Variants in SUMF2 observed in about 807,000 individuals in gnomAD.
SUMF2 encodes sulfatase modifying factor 2, also known as inactive C-alpha-formylglycine-generating enzyme 2.
A neutral mutation model predicts 44.8 loss-of-function variants in SUMF2; 45 were observed. The observed-to-expected ratio is 1.00, with a 90% confidence interval of 0.79 to 1.29. The LOEUF (loss-of-function observed/expected upper bound fraction) is 1.29, where lower values mean the gene tolerates loss of function less well. Ranked by LOEUF, SUMF2 falls within the 50% of genes most tolerant of loss-of-function variation. The pLI is 0.00. For missense variants in SUMF2, 418 were observed against 389.9 expected (o/e 1.07, Z -0.61); for synonymous variants, 148 against 150.4 (o/e 0.98, Z 0.12).
At position 56,068,610 on chromosome 7, in the gene SUMF2, A is replaced by G; in HGVS notation, c.196A>G (p.Ile66Val). The stretch of plus-strand genomic sequence containing the variant: ...GACAGTGAAACCCTTTGCCATCGAC[A>G]TATTTCCTGTCACCAACAAAGATTT... ...EATVKPFAID[I>V]FPVTNKDFRD... is the part of the protein sequence containing the mutation. The change falls in exon 2 of 9, where the codon ATA (isoleucine) becomes GTA (valine). Residue 66 changes from isoleucine (I) to valine (V), a missense_variant. By Grantham distance (29) the Ile-to-Val change is conservative (BLOSUM62 3). Transcript: ENST00000434526. The G allele has an allele frequency of 6.2e-7, 1 of 1,613,784 alleles. No homozygotes were observed. The highest frequency in any genetic ancestry group is 8.5e-7 in the Non-Finnish European group (1 of 1,179,864).
At position 56,064,488 on chromosome 7, in the gene SUMF2, G is replaced by T. The variant is rs1794610995; in HGVS notation, c.67+110G>T. ...TGCCGGCTTCCGGGATGCGGCTGCA[G>T]CGGCAGGCTGGGGAGGTAGCTCTCG... is the stretch of plus-strand genomic sequence containing the variant. On this transcript the variant is annotated intron_variant, in intron 1 of 8. Transcript: ENST00000434526. 6.9e-6 allele frequency: 10 copies of T among 1,446,430 alleles called. No homozygotes were observed. In the South Asian group the frequency reaches 9.4e-5, roughly 14 times the overall value. The allele number at this position is 1,446,430 out of a possible 1,614,324, so 89.6% of individuals were successfully genotyped here.
intron 2 of SUMF2, among the ~76,000 whole-genome samples, chr7:56,071,041 C>T (rs756914347): frequency 1.4e-4 from 22 of 152,312 alleles, no homozygotes; most frequent in African/African-American, 5.1e-4. Flanking sequence ...TATTCTGTAT[C>T]TTGATTATTG....
At chr7:56,064,974 C>G (rs1389631066) in intron 1 of SUMF2, among the ~76,000 whole-genome samples, 4 of 147,836 alleles carry the variant, frequency 2.7e-5, no homozygotes, top group African/African-American at 1.0e-4. Context: ...GGGCGGATCA[C>G]GAGGTCAGGA....
chr7:56,067,472 A>G (rs1486911953), intron 1 of SUMF2, among the ~76,000 whole-genome samples: 2 of 152,088 alleles, frequency 1.3e-5, no homozygotes, highest in African/African-American at 2.4e-5. Flanking sequence ...TCCTGGTTCC[A>G]TGTTATTTTA....
At position 56,076,954 on chromosome 7, in the gene SUMF2, T is replaced by A. The variant is rs568047456; in HGVS notation, c.591+65T>A. 31 of 1,504,288 alleles carry A rather than the reference T, an allele frequency of 2.1e-5. No individual in the cohort carries two copies. The East Asian group carries it at 7.4e-4, about 36-fold the overall frequency. The allele number at this position is 1,504,288 out of a possible 1,614,324, so 93.2% of individuals were successfully genotyped here. ...GACCTGCTGGAGGCTGGGCACTGTG[T>A]TGTTAGGCCGCGGCATCCAGAAGGC... On this transcript the variant is annotated intron_variant, in intron 6 of 8. Transcript: ENST00000434526.
rs56927689 is a variant in SUMF2 at position 56,074,014 on chromosome 7, C to CAAAA, written c.340-133_340-130dup. 6.0e-4 allele frequency: 191 copies of CAAAA among 320,824 alleles called. 1 individual carries two copies. Among genetic ancestry groups the CAAAA allele is most frequent in the African/African-American group, 2.1e-3 (38 of 18,420 alleles). The allele number at this position is 320,824 out of a possible 1,614,324, so 19.9% of individuals were successfully genotyped here. ...TGAGTGACAGAGCAAGATCTTGTCT[C>CAAAA]AAAAAAAAAAAAAAAAAAAAAAAAA... On this transcript the variant is annotated intron_variant, in intron 3 of 8. Transcript: ENST00000434526.
At chr7:56,083,738 G>A, downstream of SUMF2, 1 of 1,529,506 alleles carries the variant, frequency 6.5e-7, no homozygotes, top group Non-Finnish European at 8.9e-7. Flanking sequence ...AGGGTTGATA[G>A]CTGGATCGGT....
At chr7:56,084,001 G>T, downstream of SUMF2, 1 of 615,656 alleles carries the variant, frequency 1.6e-6, no homozygotes, top group Non-Finnish European at 2.9e-6. Context: ...TTTTTCCCCT[G>T]GAAAAATTTT....
the SUMF2 span, among the ~76,000 whole-genome samples, chr7:56,087,205 TATTA>T: frequency 6.9e-6 from 1 of 144,414 alleles, no homozygotes; most frequent in Non-Finnish European, 1.5e-5. Context: ...TTATTATTAT[TATTA>T]TTATTATTAT....
chr7:56,075,641 G>T (rs1416177349), intron 5 of SUMF2, among the ~76,000 whole-genome samples: 1 of 150,930 alleles, frequency 6.6e-6, no homozygotes, highest in Admixed American at 6.6e-5. Flanking sequence ...GGAGGTTGCA[G>T]TGAGCCGAGA....
intron 6 of SUMF2, 70 bp from the exon 7 acceptor site, chr7:56,078,032 C>A (rs1204719083): frequency 2.2e-6 from 3 of 1,373,344 alleles, no homozygotes; most frequent in Non-Finnish European, 3.0e-6. Context: ...CCTTGGTTTT[C>A]CTCTGGATAG....
chr7:56,087,133 G>A, the SUMF2 span: 1 of 805,640 alleles, frequency 1.2e-6, no homozygotes, highest in South Asian at 1.4e-5. Flanking sequence ...TTCAAAAGCT[G>A]ACAGGGGAAT....
At chr7:56,071,112 GT>G (rs1795127045) in intron 2 of SUMF2, among the ~76,000 whole-genome samples, 1 of 152,052 alleles carries the variant, frequency 6.6e-6, no homozygotes, top group African/African-American at 2.4e-5. Flanking sequence ...CATGCCTGTA[GT>G]CCCAACACTT....
intron 5 of SUMF2, chr7:56,076,571 G>A (rs987392887): frequency 1.1e-5 from 4 of 377,034 alleles, no homozygotes; most frequent in Non-Finnish European, 1.9e-5. Context: ...AACATGAACT[G>A]ATAACAGATG....
intron 1 of SUMF2, among the ~76,000 whole-genome samples, chr7:56,065,895 A>G (rs1426104721): frequency 1.3e-5 from 2 of 152,156 alleles, no homozygotes; most frequent in Admixed American, 1.3e-4. Context: ...CCTGCCCAAC[A>G]TGGTGAAACC....
Position 56,064,339 on chromosome 7 carries a change from C to A in SUMF2, c.28C>A (p.Pro10Thr), listed in dbSNP as rs771439830. The A allele has an allele frequency of 6.2e-7, 1 of 1,601,974 alleles. No homozygotes were observed. The highest frequency in any genetic ancestry group is 8.5e-7 in the Non-Finnish European group (1 of 1,174,840). ...GGCCCGGCATGGGTTACCGCTGCTG[C>A]CCCTGCTGTCGCTCCTGGTCGGCGC... MARHGLPLLPLLSLLVGAWL... is the reference protein window; with the variant it reads MARHGLPLLTLLSLLVGAWL... Residue 10 changes from proline to threonine, a missense_variant, in exon 1 of 9, where the codon CCC becomes ACC. Physicochemically the swap from Pro to Thr is conservative, Grantham distance 38. Coordinates refer to ENST00000434526, the MANE Select transcript of SUMF2 (RefSeq NM_015411.4).
chr7:56,081,576 G>C, downstream of SUMF2: 2 of 1,597,590 alleles, frequency 1.3e-6, no homozygotes, highest in Non-Finnish European at 1.7e-6. The surrounding 1 kb of genome is among the most constrained non-coding windows in gnomAD (Gnocchi z 4.6). Context: ...AGAGGAGGGG[G>C]CTTAGAGGTT....
chr7:56,069,577 A>G (rs1188994251), intron 2 of SUMF2, among the ~76,000 whole-genome samples: 4 of 151,952 alleles, frequency 2.6e-5, no homozygotes, highest in African/African-American at 9.7e-5. Context: ...AAGTATATGA[A>G]AATTCATTTT....
Position 56,080,637 on chromosome 7 carries a change from G to T in SUMF2, c.*1025G>T. The T allele has an allele frequency of 4.6e-6, 1 of 216,918 alleles. No homozygotes were observed. Among genetic ancestry groups the T allele is most frequent in the Admixed American group, 5.2e-5 (1 of 19,056 alleles). 13.4% of individuals were successfully genotyped at this position (216,918 alleles called of 1,614,324 possible). ...TCCCACACTGTCACTGGATGTCATG[G>T]GGCCAATAAAATCTCCTGCAATTGT... On this transcript the variant is annotated 3_prime_UTR_variant, in exon 9 of 9. Transcript: ENST00000434526.
Sources: allele counts gnomAD v4.1 joint callset (sites outside exome capture counted in the v4.1 genomes callset), GRCh38; gene constraint gnomAD v4.1.1; non-coding constraint Gnocchi (gnomAD v3.1); transcripts MANE v1.5; gene names NCBI Gene and HGNC (gene_info 2026-07-23, HGNC 2026-07-21).